The following KIAA1217 variants were observed in gnomAD, a reference collection of about 807,000 sequenced individuals.
KIAA1217 encodes the protein sickle tail protein homolog.
KIAA1217 carries 88 observed loss-of-function variants against 163.9 expected under a neutral mutation model. That is an observed-to-expected ratio of 0.54 (90% confidence interval 0.45 to 0.64). The LOEUF is 0.64. KIAA1217 is among the 30% of genes least tolerant of loss of function. KIAA1217 has a pLI of 0.00. For missense variants in KIAA1217, 2,372 were observed against 2,475.0 expected, an observed-to-expected ratio of 0.96 and a Z score of 0.88; for synonymous variants, 903 against 923.1, an observed-to-expected ratio of 0.98 and a Z score of 0.39.
At chr10:23,728,833 A>G (rs1041194465) in intron 1 of KIAA1217, among the ~76,000 whole-genome samples, 3 of 152,176 alleles carry the variant, frequency 2.0e-5, no homozygotes, top group Admixed American at 1.3e-4. Context: ...CTGCCCTAAG[A>G]CAAGCACAGC....
intron 1 of KIAA1217, among the ~76,000 whole-genome samples, chr10:23,766,483 G>A (rs1834520169): frequency 6.6e-6 from 1 of 151,930 alleles, no homozygotes. Context: ...ATTTGACTCT[G>A]GAGCTGTTGG....
intron 1 of KIAA1217, among the ~76,000 whole-genome samples, chr10:23,736,620 A>G (rs1347645062): frequency 6.6e-6 from 1 of 152,136 alleles, no homozygotes; most frequent in East Asian, 1.9e-4. Context: ...ACTCCTGGGC[A>G]CAAATGATTC....
intron 2 of KIAA1217, among the ~76,000 whole-genome samples, chr10:24,033,745 A>G (rs1848283445): frequency 6.6e-6 from 1 of 152,218 alleles, no homozygotes; most frequent in Admixed American, 6.5e-5. Context: ...CTGCTACTGA[A>G]CAGGTGTCAA....
At position 23,856,586 on chromosome 10, in the gene KIAA1217, T is replaced by C. The variant is rs563365037; in HGVS notation, c.-320-150639T>C. ...GTCTGCAGAGGTTACTGCTGTCTTTTTGTTTGTCTGTGACCTGTGCCCAGA... is the reference window on the plus strand; with the variant it reads ...GTCTGCAGAGGTTACTGCTGTCTTTCTGTTTGTCTGTGACCTGTGCCCAGA... On this transcript the variant is annotated intron_variant, in intron 1 of 18. Coordinates refer to the KIAA1217 transcript ENST00000376462. 2.0e-5 allele frequency among the ~76,000 whole-genome samples: 3 copies of C among 152,372 alleles called. No individual in the cohort carries two copies. In the East Asian group the frequency reaches 5.8e-4, roughly 29 times the overall value.
At chr10:24,494,919 A>G (rs2066596766) in intron 7 of KIAA1217, 1 of 584,256 alleles carries the variant, frequency 1.7e-6, no homozygotes, top group Non-Finnish European at 3.0e-6. Context: ...CCACGTCGCC[A>G]TCATCTGAAA....
At chr10:24,492,973 G>A (rs1303758877) in intron 6 of KIAA1217, among the ~76,000 whole-genome samples, 1 of 151,962 alleles carries the variant, frequency 6.6e-6, no homozygotes, top group Admixed American at 6.6e-5. Context: ...AGCCTCCCGA[G>A]TAGCTGGGAT....
intron 1 of KIAA1217, among the ~76,000 whole-genome samples, chr10:23,698,607 A>G (rs16923668): frequency 0.14 from 21,619 of 152,154 alleles, 2,650 homozygotes; most frequent in African/African-American, 0.33. Flanking sequence ...CCGAGTTTAG[A>G]AAATATCTGG....
intron 1 of KIAA1217, among the ~76,000 whole-genome samples, chr10:24,218,173 G>GT (rs987654391): frequency 1.8e-4 from 27 of 151,790 alleles, no homozygotes; most frequent in African/African-American, 4.6e-4. Flanking sequence ...TAATCTATTT[G>GT]TTTTTTTTAA....
intron 2 of KIAA1217, among the ~76,000 whole-genome samples, chr10:24,136,513 AAGAGAG>A (rs112082307): frequency 2.0e-5 from 3 of 150,530 alleles, no homozygotes; most frequent in South Asian, 4.2e-4. Context: ...GCTACTTTAA[AAGAGAG>A]AGAGAGAGAG....
intron 2 of KIAA1217, among the ~76,000 whole-genome samples, chr10:24,071,973 A>C (rs1313520413): frequency 3.3e-5 from 5 of 152,174 alleles, no homozygotes; most frequent in African/African-American, 1.2e-4. Context: ...GTACTTCCCC[A>C]GCTTTATTTT....
chr10:24,025,199 T>G (rs1021516189), intron 2 of KIAA1217, among the ~76,000 whole-genome samples: 2 of 151,754 alleles, frequency 1.3e-5, no homozygotes, highest in African/African-American at 4.8e-5. Flanking sequence ...GTGTTTGGTC[T>G]GAGATAAGCA....
chr10:24,193,070 C>T (rs1448983548), intron 2 of KIAA1217, among the ~76,000 whole-genome samples: 1 of 152,170 alleles, frequency 6.6e-6, no homozygotes, highest in Non-Finnish European at 1.5e-5. Context: ...GCATGTGCCA[C>T]CATGCCCAGT....
intron 2 of KIAA1217, among the ~76,000 whole-genome samples, chr10:24,299,848 G>T (rs1422462327): frequency 2.0e-5 from 3 of 152,090 alleles, no homozygotes; most frequent in Non-Finnish European, 4.4e-5. Flanking sequence ...AACCAGTGTG[G>T]TGCCTCCCTC....
Position 24,281,917 on chromosome 10 carries a change from T to C in KIAA1217, c.354+62008T>C, listed in dbSNP as rs372432248. On this transcript the variant is annotated intron_variant, in intron 2 of 20. Transcript: ENST00000376454. ...CTAAAAATACAAAAAATTAGCCAGG[T>C]GTGGTGGCGGGTGCCTGTAGTCCCA... Among the ~76,000 whole-genome samples the C allele has an allele frequency of 9.4e-4, 142 of 151,766 alleles. 1 individual carries two copies. The highest frequency in any genetic ancestry group is 3.1e-3 in the African/African-American group (129 of 41,318).
At position 24,061,033 on chromosome 10, in the gene KIAA1217, A is replaced by G. The variant is rs551208886; in HGVS notation, c.-171+53659A>G. On this transcript the variant is annotated intron_variant, in intron 2 of 18. Coordinates refer to the KIAA1217 transcript ENST00000376462. ...TTCTATTACTATTGCCATTTTGACA[A>G]TCATTTTCTGTATGTCTTATGGTTC... Among the ~76,000 whole-genome samples, 7 of 152,202 alleles carry G rather than the reference A, an allele frequency of 4.6e-5. No individual in the cohort carries two copies. The East Asian group carries it at 9.7e-4, about 21-fold the overall frequency.
At chr10:23,744,627 G>T (rs568669420) in intron 1 of KIAA1217, among the ~76,000 whole-genome samples, 1 of 152,320 alleles carries the variant, frequency 6.6e-6, no homozygotes, top group African/African-American at 2.4e-5. Context: ...ATTACGGAAG[G>T]TTATGCTGGG....
chr10:24,099,586 T>TATATATATATTA (rs1306527831), intron 2 of KIAA1217, among the ~76,000 whole-genome samples: 1 of 143,454 alleles, frequency 7.0e-6, no homozygotes, highest in South Asian at 2.2e-4. Flanking sequence ...TATATATATA[T>TATATATATATTA]TATATATATA....
At chr10:24,496,221 C>A (rs2066764408) in intron 8 of KIAA1217, among the ~76,000 whole-genome samples, 1 of 152,234 alleles carries the variant, frequency 6.6e-6, no homozygotes, top group South Asian at 2.1e-4. Flanking sequence ...AATTTAGCTA[C>A]AAAGCCAACA....
chr10:24,023,158 G>A (rs1182991449), intron 2 of KIAA1217, among the ~76,000 whole-genome samples: 1 of 151,636 alleles, frequency 6.6e-6, no homozygotes, highest in Non-Finnish European at 1.5e-5. Context: ...AAATTCAAAT[G>A]AGTCCATATA....
Sources: gnomAD v4.1 joint callset for allele counts (sites outside exome capture counted in the v4.1 genomes callset) on GRCh38, gnomAD v4.1.1 for gene constraint, MANE v1.5 for transcripts, NCBI Gene and HGNC (gene_info 2026-07-23, HGNC 2026-07-21) for gene names.